GPATCH2: variants seen among roughly 807,000 people sequenced by gnomAD.
GPATCH2 encodes G-patch domain containing 2, also known as G patch domain-containing protein 2.
Under a neutral mutation model 58.0 loss-of-function variants are expected in GPATCH2, and 51 were observed. That is an observed-to-expected ratio of 0.88 (90% CI 0.70 to 1.11). The LOEUF (loss-of-function observed/expected upper bound fraction) is 1.11, where lower values mean the gene tolerates loss of function less well. GPATCH2 is among the 50% of genes most tolerant of loss of function. The probability of loss-of-function intolerance (pLI) is 0.00; values close to 1 mark genes in which losing one functional copy is unlikely to be tolerated. For synonymous variants in GPATCH2, 222 were observed against 218.5 expected (o/e 1.02, Z -0.14); for missense variants, 625 against 652.2 (o/e 0.96, Z 0.45).
At chr1:217,591,856 T>G (rs576238577) in intron 5 of GPATCH2, among the ~76,000 whole-genome samples, 8 of 152,182 alleles carry the variant, frequency 5.3e-5, no homozygotes, top group African/African-American at 1.9e-4. Flanking sequence ...TTTAATGTGA[T>G]GGGAAAAACA....
chr1:217,512,167 GA>G (rs1480335205), intron 6 of GPATCH2, among the ~76,000 whole-genome samples: 9 of 151,924 alleles, frequency 5.9e-5, no homozygotes, highest in Non-Finnish European at 1.2e-4. Context: ...ACCAAAAAAA[GA>G]AAAATTAGCC....
rs1273181118 is a variant in GPATCH2 at position 217,429,852 on chromosome 1, A to G, written c.*1293T>C. On this transcript the variant is annotated 3_prime_UTR_variant, in exon 10 of 10. Coordinates refer to ENST00000366935, the MANE Select transcript of GPATCH2 (RefSeq NM_018040.5). ...AAAAAAAAAAAAAAAAAAAAGAAACAAAAAAACTCTTTTGGAAAGTGACAA... is the reference window on the plus strand; with the variant it reads ...AAAAAAAAAAAAAAAAAAAAGAAACGAAAAAACTCTTTTGGAAAGTGACAA... 2.0e-5 allele frequency: 3 copies of G among 151,134 alleles called. No individual in the cohort carries two copies. The East Asian group carries it at 5.8e-4, about 29-fold the overall frequency. 9.4% of individuals were successfully genotyped at this position (151,134 alleles called of 1,614,324 possible). A position where few individuals can be genotyped will look rare whatever the true frequency, so the allele number is the denominator to read the frequency against.
intron 1 of GPATCH2, among the ~76,000 whole-genome samples, chr1:217,621,112 T>A (rs1669168149): frequency 6.6e-6 from 1 of 152,214 alleles, no homozygotes; most frequent in Non-Finnish European, 1.5e-5. Context: ...CCTCACTGGT[T>A]TCAAAGGGCC....
intron 1 of GPATCH2, among the ~76,000 whole-genome samples, chr1:217,625,185 G>A (rs984932096): frequency 1.3e-5 from 2 of 152,136 alleles, no homozygotes; most frequent in Admixed American, 1.3e-4. Flanking sequence ...TTATCCTTGG[G>A]TTCCTGATCT....
At chr1:217,433,651 C>T (rs1398007533) in intron 9 of GPATCH2, among the ~76,000 whole-genome samples, 2 of 152,154 alleles carry the variant, frequency 1.3e-5, no homozygotes, top group African/African-American at 4.8e-5. Context: ...CTGCCTTAGC[C>T]TCCCAAAGTT....
chr1:217,539,469 T>A (rs1664627787), intron 5 of GPATCH2, among the ~76,000 whole-genome samples: 1 of 152,158 alleles, frequency 6.6e-6, no homozygotes, highest in Admixed American at 6.6e-5. Context: ...CAAACTTTTG[T>A]TCCTCTTGTC....
chr1:217,441,660 AACCCC>A (rs975998145), intron 9 of GPATCH2, among the ~76,000 whole-genome samples: 1 of 152,214 alleles, frequency 6.6e-6, no homozygotes, highest in African/African-American at 2.4e-5. Context: ...AAAGTCAAAC[AACCCC>A]ATCAAAAAGT....
At chr1:217,505,475 T>G (rs1052359965) in intron 6 of GPATCH2, among the ~76,000 whole-genome samples, 2 of 152,146 alleles carry the variant, frequency 1.3e-5, no homozygotes, top group African/African-American at 4.8e-5. Flanking sequence ...TCACTGTTCC[T>G]TAATTCCCCC....
At chr1:217,473,051 A>G (rs564476245) in intron 8 of GPATCH2, among the ~76,000 whole-genome samples, 6 of 152,196 alleles carry the variant, frequency 3.9e-5, no homozygotes, top group Non-Finnish European at 8.8e-5. Context: ...AGTCCCAGGC[A>G]GCTTTCCTGA....
chr1:217,485,174 G>A (rs1274756805), intron 8 of GPATCH2, among the ~76,000 whole-genome samples: 1 of 152,112 alleles, frequency 6.6e-6, no homozygotes, highest in African/African-American at 2.4e-5. Context: ...TGATGTCTGA[G>A]GGCAAGAGAA....
chr1:217,534,460 A>G (rs1371990510), intron 5 of GPATCH2, among the ~76,000 whole-genome samples: 3 of 152,144 alleles, frequency 2.0e-5, no homozygotes, highest in African/African-American at 7.2e-5. Context: ...ATTAGTGAGC[A>G]TGGCCTTGAT....
chr1:217,591,912 C>A (rs1389980498), intron 5 of GPATCH2, among the ~76,000 whole-genome samples: 1 of 151,860 alleles, frequency 6.6e-6, no homozygotes, highest in Non-Finnish European at 1.5e-5. Context: ...GTTTTTACAG[C>A]TAGCTAAATG....
chr1:217,483,493 G>C lies in GPATCH2; in HGVS notation c.1277+8187C>G, dbSNP rs1324946470. Among the ~76,000 whole-genome samples the C allele has an allele frequency of 4.0e-5, 6 of 151,784 alleles. No individual in the cohort carries two copies. The East Asian group carries it at 9.7e-4, about 25-fold the overall frequency. On this transcript the variant is annotated intron_variant, in intron 8 of 9. Coordinates refer to ENST00000366935, the MANE Select transcript of GPATCH2 (RefSeq NM_018040.5). ...AGCCACTGTGCCTAGACCCCCCATT[G>C]CTTTTTTTGGAGACAGGGTCTTGCT...
At chr1:217,495,952 AAG>A (rs1295343886) in intron 7 of GPATCH2, among the ~76,000 whole-genome samples, 1 of 152,178 alleles carries the variant, frequency 6.6e-6, no homozygotes, top group Non-Finnish European at 1.5e-5. Flanking sequence ...GGGATTTTAA[AAG>A]TAGGGTTAAT....
chr1:217,594,404 T>A (rs1458286911), intron 5 of GPATCH2, among the ~76,000 whole-genome samples: 2 of 152,114 alleles, frequency 1.3e-5, no homozygotes, highest in African/African-American at 2.4e-5. Context: ...CAAAATCAAA[T>A]TCCAACTTTT....
intron 3 of GPATCH2, among the ~76,000 whole-genome samples, chr1:217,611,786 A>G (rs1668644030): frequency 6.6e-6 from 1 of 152,216 alleles, no homozygotes; most frequent in Non-Finnish European, 1.5e-5. Flanking sequence ...AATACCTTAG[A>G]GTTTATGAAG....
intron 2 of GPATCH2, among the ~76,000 whole-genome samples, chr1:217,617,641 C>T (rs559812546): frequency 6.6e-6 from 1 of 152,284 alleles, no homozygotes; most frequent in East Asian, 1.9e-4. Flanking sequence ...CTTGAAAACG[C>T]TTATACTTGT....
In GPATCH2 at chr1:217,531,544, CA is replaced by C. The variant is rs936318572; in HGVS notation, c.1099-16656del. ...AATACCTATCTCATGAAATAGTACA[CA>C]AAAAAAATAGTAGACAATACAAAGA... On this transcript the variant is annotated intron_variant, in intron 5 of 9. Coordinates refer to ENST00000366935, the MANE Select transcript of GPATCH2 (RefSeq NM_018040.5). 1.2e-3 allele frequency among the ~76,000 whole-genome samples: 185 copies of C among 151,604 alleles called. 1 individual carries two copies. The highest frequency in any genetic ancestry group is 4.1e-3 in the African/African-American group (171 of 41,354).
At chr1:217,535,589 G>A (rs1326152666) in intron 5 of GPATCH2, among the ~76,000 whole-genome samples, 1 of 152,208 alleles carries the variant, frequency 6.6e-6, no homozygotes, top group Non-Finnish European at 1.5e-5. Context: ...CTGACCTCGT[G>A]ATCCATCCGC....
Sources: allele counts gnomAD v4.1 joint callset (sites outside exome capture counted in the v4.1 genomes callset), GRCh38; gene constraint gnomAD v4.1.1; transcripts MANE v1.5; gene names NCBI Gene and HGNC (gene_info 2026-07-23, HGNC 2026-07-21).